Variants in UBR4 observed in about 807,000 individuals in gnomAD.
UBR4 encodes the protein E3 ubiquitin-protein ligase UBR4.
A neutral mutation model predicts 575.6 loss-of-function variants in UBR4; 124 were observed. The ratio of observed to expected loss-of-function variants is 0.22; its 90% confidence interval spans 0.19 to 0.25. The LOEUF is 0.25. UBR4 is among the 10% of genes least tolerant of loss of function. The pLI is 1.00. For synonymous variants in UBR4, 2,455 were observed against 2,473.7 expected (o/e 0.99, Z 0.22); for missense variants, 4,818 against 6,478.8 (o/e 0.74, Z 8.80).
At chr1:19,104,819 T>A (rs2079015480) in intron 85 of UBR4, 153 bp from the exon 86 acceptor site, 19 of 1,094,688 alleles carry the variant, frequency 1.7e-5, no homozygotes, top group Non-Finnish European at 2.3e-5. Flanking sequence ...AAGCCAACAG[T>A]CACAGCGCTG....
At chr1:19,076,367 C>G (rs1394462431) in intron 105 of UBR4, among the ~76,000 whole-genome samples, 1 of 152,168 alleles carries the variant, frequency 6.6e-6, no homozygotes, top group Non-Finnish European at 1.5e-5. Context: ...CAGACTCAAA[C>G]AGGGATGCTA....
intron 89 of UBR4, 48 bp from the exon 90 acceptor site, chr1:19,099,725 A>C: frequency 6.4e-7 from 1 of 1,565,496 alleles, no homozygotes; most frequent in South Asian, 1.1e-5. Context: ...ATTGTAAGAC[A>C]AGTAAAATCC....
Position 19,176,727 on chromosome 1 carries a change from C to T in UBR4, c.2638G>A (p.Val880Ile). 1 of 1,612,690 alleles carries T rather than the reference C, an allele frequency of 6.2e-7. No homozygotes were observed. Among genetic ancestry groups the T allele is most frequent in the South Asian group, 1.1e-5 (1 of 91,002 alleles). The change falls in exon 20 of 106, where the codon GTA becomes ATA. Residue 880 changes from valine to isoleucine, a missense_variant and splice_region_variant. Val to Ile is a conservative substitution (Grantham distance 29, BLOSUM62 3). This residue lies in a region of UBR4 where 1,172 missense variants were observed against 1,259.7 expected (regional missense o/e 0.93). Coordinates refer to ENST00000375254, the MANE Select transcript of UBR4 (RefSeq NM_020765.3). ...SKAPVYLFEQ[V>I]QHNLLSPPFG... ...GGAGGACTTAGCAGGTTATGCTGTA[C>T]CTTTTAAAACACAAATACTGAAATT...
At chr1:19,167,651 G>A (rs2088735489) in intron 28 of UBR4, among the ~76,000 whole-genome samples, 1 of 152,154 alleles carries the variant, frequency 6.6e-6, no homozygotes, top group South Asian at 2.1e-4. Flanking sequence ...GAAGACAATA[G>A]TCCCTCCATT....
intron 60 of UBR4, among the ~76,000 whole-genome samples, chr1:19,132,410 G>C (rs1221544792): frequency 6.6e-6 from 1 of 151,918 alleles, no homozygotes; most frequent in Middle Eastern, 3.4e-3. Flanking sequence ...TTGAACTCCT[G>C]GCCTCAAGTG....
chr1:19,143,314 G>GAAAGAAAGAA (rs2084349308), intron 55 of UBR4, among the ~76,000 whole-genome samples: 1 of 141,784 alleles, frequency 7.1e-6, no homozygotes, highest in Non-Finnish European at 1.6e-5. Context: ...AAGAAAGAAA[G>GAAAGAAAGAA]AAAGAAAATT....
In UBR4 at chr1:19,185,348, T is replaced by C. The variant is rs530836471; in HGVS notation, c.1751-62A>G. The C allele has an allele frequency of 6.3e-5, 93 of 1,466,318 alleles. 2 individuals carry two copies. The South Asian group carries it at 1.2e-3, about 19-fold the overall frequency. The allele number at this position is 1,466,318 out of a possible 1,614,324, so 90.8% of individuals were successfully genotyped here. ...TTTTTAAAAGTGTTTTTGGTGCATCTGCTTCCTAAAAGTACTTAAGTCAAA... is the reference window on the plus strand; with the variant it reads ...TTTTTAAAAGTGTTTTTGGTGCATCCGCTTCCTAAAAGTACTTAAGTCAAA... On this transcript the variant is annotated intron_variant, in intron 14 of 105. Transcript: ENST00000375254.
Position 19,155,081 on chromosome 1 carries a change from G to A in UBR4, c.6301-6C>T, listed in dbSNP as rs765290320. On this transcript the variant is annotated splice_region_variant and splice_polypyrimidine_tract_variant and intron_variant, in intron 43 of 105. Transcript: ENST00000375254. ...GCCACCTGGCTGTTACTGTCCTGCT[G>A]GCACAAAGACACATATTTGCAGTAA... The A allele has an allele frequency of 1.2e-5, 19 of 1,613,318 alleles. No homozygotes were observed. The highest frequency in any genetic ancestry group is 2.2e-5 in the East Asian group (1 of 44,890).
Position 19,198,816 on chromosome 1 carries a change from A to G in UBR4, c.491T>C (p.Val164Ala). ...MMKSAKLPQT[V>A]KTLSDVEDQK... is the part of the protein sequence containing the mutation. ...ACACCCACCGTCTGAAAGTGTCTTCACTGTTTGGGGCAGCTTGGCGGATTT... is the reference window on the plus strand; with the variant it reads ...ACACCCACCGTCTGAAAGTGTCTTCGCTGTTTGGGGCAGCTTGGCGGATTT... Residue 164 changes from valine (V) to alanine (A), a missense_variant, in exon 4 of 106, where the codon GTG (valine) becomes GCG (alanine). This residue lies in a region of UBR4 where 85 missense variants were observed against 134.2 expected (regional missense o/e 0.63). Coordinates refer to ENST00000375254, the MANE Select transcript of UBR4 (RefSeq NM_020765.3). 6.2e-7 allele frequency: 1 copy of G among 1,614,248 alleles called. No homozygotes were observed.
chr1:19,190,878 A>T (rs1053788768), intron 11 of UBR4, among the ~76,000 whole-genome samples: 1 of 152,090 alleles, frequency 6.6e-6, no homozygotes, highest in African/African-American at 2.4e-5. Flanking sequence ...GATCACCAAT[A>T]AATCAGGTTG....
intron 14 of UBR4, among the ~76,000 whole-genome samples, chr1:19,185,701 G>A (rs553008025): frequency 6.6e-6 from 1 of 151,586 alleles, no homozygotes; most frequent in South Asian, 2.1e-4. Flanking sequence ...AGTCTCCCGA[G>A]TAGCTGGGAC....
chr1:19,183,819 T>G lies in UBR4; in HGVS notation c.2176A>C (p.Asn726His). The change falls in exon 17 of 106, where the codon AAC becomes CAC. Residue 726 changes from asparagine to histidine, a missense_variant. Asn to His is a moderately conservative substitution (Grantham distance 68). Transcript: ENST00000375254. The part of the protein sequence containing the change: ...SLVTSDLQSP[N>H]LQNTLLQQLG... ...TCACAGCACACACAAACCTGCAGGT[T>G]AGGTGACTGAAGGTCAGAGGTTACC... 2 of 1,614,090 alleles carry G rather than the reference T, an allele frequency of 1.2e-6. No individual in the cohort carries two copies. Among genetic ancestry groups the G allele is most frequent in the Non-Finnish European group, 1.7e-6 (2 of 1,179,968 alleles).
chr1:19,160,845 T>C, intron 38 of UBR4, 72 bp downstream of exon 38: 1 of 1,440,096 alleles, frequency 6.9e-7, no homozygotes, highest in Non-Finnish European at 9.7e-7. Flanking sequence ...GCCATGTGCA[T>C]TATTTACTCT....
intron 81 of UBR4, among the ~76,000 whole-genome samples, chr1:19,109,325 A>G (rs992801615): frequency 4.6e-5 from 7 of 152,244 alleles, no homozygotes; most frequent in Non-Finnish European, 7.3e-5. Flanking sequence ...ATTTTAGGAT[A>G]AAAACTTGGT....
In UBR4 at chr1:19,105,206, C is replaced by T. The variant is rs78576462; in HGVS notation, c.12504-17G>A. ...TCCAGGTAACTGCCACCAAGAGGGACAGGGCACTCTAGTCAAGAACTCTAG... is the reference window on the plus strand; with the variant it reads ...TCCAGGTAACTGCCACCAAGAGGGATAGGGCACTCTAGTCAAGAACTCTAG... On this transcript the variant is annotated splice_polypyrimidine_tract_variant and intron_variant, in intron 84 of 105. Transcript: ENST00000375254. 0.027 allele frequency: 43,022 copies of T among 1,607,878 alleles called. 725 individuals carry two copies. The highest frequency in any genetic ancestry group is 0.06 in the South Asian group (5,433 of 90,604).
At chr1:19,097,601 T>C (rs1389897261) in intron 90 of UBR4, among the ~76,000 whole-genome samples, 1 of 152,244 alleles carries the variant, frequency 6.6e-6, no homozygotes, top group Admixed American at 6.5e-5. Context: ...CCTATGCTAA[T>C]TAAGTACTTT....
chr1:19,182,976 A>G (rs1396584161), intron 17 of UBR4, among the ~76,000 whole-genome samples: 2 of 152,230 alleles, frequency 1.3e-5, no homozygotes, highest in African/African-American at 4.8e-5. Context: ...GATTCAAGAC[A>G]TCAGCTATTT....
intron 42 of UBR4, 77 bp from the exon 43 acceptor site, chr1:19,155,745 A>G: frequency 2.3e-6 from 3 of 1,276,888 alleles, no homozygotes; most frequent in Non-Finnish European, 3.4e-6. Flanking sequence ...GAATCCAAAT[A>G]GCCGGAACTG....
rs374373760 is a variant in UBR4 at position 19,152,385 on chromosome 1, G to A, written c.6924C>T (p.Leu2308=). ...TCTGTTGTGCATTATAGACCTGTAG[G>A]AGGTCGTTACCACCAAACTCCACAT... ...LTDVEFGGND[L]LQVYNAQQIK... Residue 2308 remains leucine (L), a synonymous_variant, in exon 47 of 106, where the codon CTC becomes CTT. Coordinates refer to ENST00000375254, the MANE Select transcript of UBR4 (RefSeq NM_020765.3). This position sits in a 1 kb window ranked among gnomAD's most constrained non-coding sequence, Gnocchi z 4.4. 1.9e-6 allele frequency: 3 copies of A among 1,613,934 alleles called. No individual in the cohort carries two copies. The highest frequency in any genetic ancestry group is 2.5e-6 in the Non-Finnish European group (3 of 1,179,856).
Sources: gnomAD v4.1 joint callset for allele counts (sites outside exome capture counted in the v4.1 genomes callset) on GRCh38, gnomAD v4.1.1 for gene constraint, gnomAD v4.1.1 regional missense constraint, Gnocchi (gnomAD v3.1) non-coding constraint, MANE v1.5 for transcripts, NCBI Gene and HGNC (gene_info 2026-07-23, HGNC 2026-07-21) for gene names.